Variants in PCSK5 observed in about 807,000 individuals in gnomAD.
The protein encoded by PCSK5 is proprotein convertase subtilisin/kexin type 5, also known as prohormone convertase 5.
In PCSK5, 129 loss-of-function variants were observed where a neutral mutation model predicts 233.2. The ratio of observed to expected loss-of-function variants is 0.55; its 90% CI spans 0.48 to 0.64. PCSK5 has a LOEUF of 0.64. Among genes scored for constraint, PCSK5 ranks in the 30% least tolerant of loss-of-function variants. The pLI is 0.00. For missense variants in PCSK5, 2,076 were observed against 2,430.1 expected (o/e 0.85, Z 3.06); for synonymous variants, 825 against 879.2 (o/e 0.94, Z 1.09).
chr9:76,264,956 C>T (rs1023861566), intron 24 of PCSK5, among the ~76,000 whole-genome samples: 1 of 152,130 alleles, frequency 6.6e-6, no homozygotes, highest in Non-Finnish European at 1.5e-5. Flanking sequence ...CACCTGCACT[C>T]ACATGTTTAT....
At position 75,892,653 on chromosome 9, in the gene PCSK5, G is replaced by A. The variant is rs1173391102; in HGVS notation, c.192+1280G>A. ...TGAGGCCATTGCGTTCCACGCCCAG[G>A]AACCCGGGGACACCCCCCGCCCCTC... On this transcript the variant is annotated intron_variant, in intron 1 of 37. Coordinates refer to ENST00000674117, the MANE Select transcript of PCSK5 (RefSeq NM_001372043.1). Among the ~76,000 whole-genome samples, 8 of 152,324 alleles carry A rather than the reference G, an allele frequency of 5.3e-5. No homozygotes were observed. In the South Asian group the frequency reaches 1.7e-3, roughly 32 times the overall value.
chr9:76,353,109 A>G (rs2131527100), intron 36 of PCSK5, among the ~76,000 whole-genome samples: 1 of 152,328 alleles, frequency 6.6e-6, no homozygotes, highest in South Asian at 2.1e-4. Flanking sequence ...ATTCAATGAG[A>G]TAATAACAGC....
intron 7 of PCSK5, among the ~76,000 whole-genome samples, chr9:76,085,279 C>G (rs1372670063): frequency 1.3e-5 from 2 of 152,192 alleles, no homozygotes; most frequent in African/African-American, 4.8e-5. Context: ...ACCCCTGAAC[C>G]CTGCTGTTTG....
chr9:76,241,369 G>C (rs1397148002), intron 24 of PCSK5, among the ~76,000 whole-genome samples: 1 of 152,222 alleles, frequency 6.6e-6, no homozygotes, highest in East Asian at 1.9e-4. Context: ...TTGAACCCAG[G>C]AGTCAGAGGT....
chr9:75,926,888 G>A (rs1823516917), intron 1 of PCSK5, among the ~76,000 whole-genome samples: 1 of 152,052 alleles, frequency 6.6e-6, no homozygotes, highest in African/African-American at 2.4e-5. Context: ...ATGGACATTT[G>A]CATTGTTTCC....
At chr9:76,054,836 T>C (rs538455777) in intron 5 of PCSK5, among the ~76,000 whole-genome samples, 1 of 152,322 alleles carries the variant, frequency 6.6e-6, no homozygotes, top group African/African-American at 2.4e-5. Context: ...GGTTTTGACA[T>C]GCATGTGTGT....
chr9:76,247,880 G>A (rs907832962), intron 24 of PCSK5, among the ~76,000 whole-genome samples: 15 of 151,894 alleles, frequency 9.9e-5, no homozygotes, highest in African/African-American at 3.1e-4. Flanking sequence ...CGCCTCCCAG[G>A]TTCAAGCAAT....
intron 9 of PCSK5, among the ~76,000 whole-genome samples, chr9:76,116,629 A>G (rs1832436425): frequency 1.3e-5 from 2 of 152,128 alleles, no homozygotes; most frequent in South Asian, 4.1e-4. Context: ...TCAGCCTTCA[A>G]TGAATGCTTT....
chr9:76,118,653 G>A (rs1044402790), intron 9 of PCSK5, among the ~76,000 whole-genome samples: 2 of 149,458 alleles, frequency 1.3e-5, no homozygotes, highest in Non-Finnish European at 2.9e-5. Flanking sequence ...TAAAATGTAG[G>A]TGTTTATTTA....
At chr9:76,313,854 G>C (rs1047626764) in intron 30 of PCSK5, among the ~76,000 whole-genome samples, 2 of 152,130 alleles carry the variant, frequency 1.3e-5, no homozygotes, top group African/African-American at 4.8e-5. Context: ...AAGGGTCAGA[G>C]TAAGAGAACC....
chr9:75,926,791 G>A (rs112959653), intron 1 of PCSK5, among the ~76,000 whole-genome samples: 23 of 152,078 alleles, frequency 1.5e-4, no homozygotes, highest in Middle Eastern at 6.8e-3. Flanking sequence ...ATTATATGCC[G>A]TATGATCTTT....
At chr9:75,980,760 T>TC (rs1554668810) in intron 2 of PCSK5, among the ~76,000 whole-genome samples, 40,327 of 150,322 alleles carry the variant, frequency 0.27, 5,882 homozygotes, top group Non-Finnish European at 0.33. Flanking sequence ...TTTTTTTTTT[T>TC]CTCACCAGTT....
chr9:75,931,784 A>G lies in PCSK5; in HGVS notation c.193-595A>G, dbSNP rs76120963. On this transcript the variant is annotated intron_variant, in intron 1 of 37. Transcript: ENST00000674117. ...TATACAGGAAGCTTAGCTGATAGGT[A>G]GGATGTATGTTTTTGTCTTGTTTTA... Among the ~76,000 whole-genome samples the G allele has an allele frequency of 3.1e-3, 477 of 152,346 alleles. 1 individual carries two copies. Among genetic ancestry groups the G allele is most frequent in the African/African-American group, 0.011 (449 of 41,586 alleles).
intron 1 of PCSK5, among the ~76,000 whole-genome samples, chr9:75,900,482 C>T (rs952601866): frequency 4.6e-5 from 7 of 151,824 alleles, no homozygotes; most frequent in African/African-American, 1.7e-4. Flanking sequence ...AGATCAAGAC[C>T]AGCCTGGGTA....
At chr9:76,062,577 C>T (rs1830066937) in intron 5 of PCSK5, among the ~76,000 whole-genome samples, 1 of 152,116 alleles carries the variant, frequency 6.6e-6, no homozygotes, top group Non-Finnish European at 1.5e-5. Flanking sequence ...GATATTTTCT[C>T]CATATGTCAT....
rs143149899 is a variant in PCSK5 at position 76,207,568 on chromosome 9, T to C, written c.2626+17822T>C. 2.2e-3 allele frequency among the ~76,000 whole-genome samples: 337 copies of C among 152,316 alleles called. 1 individual carries two copies. The highest frequency in any genetic ancestry group is 6.4e-3 in the African/African-American group (266 of 41,566). On this transcript the variant is annotated intron_variant, in intron 20 of 37. Coordinates refer to ENST00000674117, the MANE Select transcript of PCSK5 (RefSeq NM_001372043.1). ...ATAGGGAATATAATATAAGGGTATA[T>C]AAGGATATAATAGAATACATTTCCT... is the stretch of plus-strand genomic sequence containing the variant.
At chr9:76,103,988 T>C (rs1477351694) in intron 8 of PCSK5, among the ~76,000 whole-genome samples, 2 of 152,186 alleles carry the variant, frequency 1.3e-5, no homozygotes, top group African/African-American at 2.4e-5. Flanking sequence ...CCCTATGTAG[T>C]GGGCCGACTG....
chr9:75,974,912 A>G (rs1825952727), intron 2 of PCSK5, among the ~76,000 whole-genome samples: 1 of 152,238 alleles, frequency 6.6e-6, no homozygotes, highest in African/African-American at 2.4e-5. Flanking sequence ...TTATCTTGTA[A>G]CAACAGAAAG....
chr9:76,347,736 G>T (rs568916199), intron 35 of PCSK5, among the ~76,000 whole-genome samples: 1 of 144,194 alleles, frequency 6.9e-6, no homozygotes, highest in East Asian at 2.1e-4. Context: ...ACTAACAAGA[G>T]TAAAACTCCG....
Sources: allele counts gnomAD v4.1 joint callset (sites outside exome capture counted in the v4.1 genomes callset), GRCh38; gene constraint gnomAD v4.1.1; transcripts MANE v1.5; gene names NCBI Gene and HGNC (gene_info 2026-07-23, HGNC 2026-07-21).